The following CHM variants were observed in gnomAD, a reference collection of about 807,000 sequenced individuals.
CHM encodes the protein CHM Rab escort protein.
Under a neutral mutation model 49.0 loss-of-function variants are expected in CHM, and 10 were observed. The observed-to-expected ratio is 0.20, with a 90% CI of 0.13 to 0.35. The LOEUF is 0.35. Ranked by LOEUF, CHM falls within the 10% of genes least tolerant of loss-of-function variation. The pLI is 1.00. For missense variants in CHM, 455 were observed against 478.4 expected (o/e 0.95, Z 0.46); for synonymous variants, 184 against 167.5 (o/e 1.10, Z -0.76).
intron 2 of CHM, among the ~76,000 whole-genome samples, chrX:86,018,492 A>G (rs1347043952): frequency 1.8e-5 from 2 of 112,254 alleles, no homozygotes; most frequent in Non-Finnish European, 3.8e-5. Context: ...AGCTAAATAT[A>G]TATAATTACC....
chrX:85,906,845 C>A (rs558712344), intron 9 of CHM, among the ~76,000 whole-genome samples: 2 of 112,265 alleles, frequency 1.8e-5, no homozygotes, highest in South Asian at 7.4e-4. Context: ...CTAGAAAAGG[C>A]ATAGACAGCC....
chrX:85,886,926 A>G (rs1925122455), intron 12 of CHM, among the ~76,000 whole-genome samples: 1 of 106,802 alleles, frequency 9.4e-6, no homozygotes, highest in African/African-American at 3.4e-5. Context: ...CATTAACTCT[A>G]TTATAGCACT....
intron 8 of CHM, among the ~76,000 whole-genome samples, chrX:85,914,801 C>T (rs1927350882): frequency 9.0e-6 from 1 of 111,094 alleles, no homozygotes; most frequent in Non-Finnish European, 1.9e-5. Context: ...CTGGCAGCCC[C>T]TGTTGAAGAA....
At chrX:85,971,896 G>A (rs1328017986) in intron 4 of CHM, among the ~76,000 whole-genome samples, 2 of 110,959 alleles carry the variant, frequency 1.8e-5, no homozygotes, top group East Asian at 2.9e-4. Flanking sequence ...ACAGAGTGTC[G>A]ATTGGTGCAT....
At chrX:85,986,954 C>T (rs907274631) in intron 2 of CHM, among the ~76,000 whole-genome samples, 1 of 106,091 alleles carries the variant, frequency 9.4e-6, no homozygotes, top group African/African-American at 3.6e-5. Context: ...AAGGATGAAA[C>T]AGCTGGAAAA....
chrX:85,926,791 A>G (rs1928108938), intron 8 of CHM, among the ~76,000 whole-genome samples: 1 of 111,552 alleles, frequency 9.0e-6, no homozygotes, highest in Admixed American at 9.5e-5. Flanking sequence ...TCCATTTTTA[A>G]TAGAGATTTT....
chrX:85,966,288 G>A (rs966942613), intron 4 of CHM, among the ~76,000 whole-genome samples: 1 of 105,710 alleles, frequency 9.5e-6, no homozygotes, highest in African/African-American at 3.5e-5. Context: ...GGCGGAGGTA[G>A]CAGTGAGCCA....
chrX:85,890,373 C>G (rs1257693910), intron 12 of CHM, among the ~76,000 whole-genome samples: 1 of 111,751 alleles, frequency 8.9e-6, no homozygotes, highest in Non-Finnish European at 1.9e-5. Flanking sequence ...TCCTGTAGCA[C>G]AAATCACTAT....
intron 8 of CHM, among the ~76,000 whole-genome samples, chrX:85,923,966 G>T (rs765518910): frequency 2.3e-3 from 252 of 111,444 alleles, no homozygotes; most frequent in African/African-American, 8.0e-3. Context: ...AGATGGCTAA[G>T]GGAGATGGAT....
intron 4 of CHM, among the ~76,000 whole-genome samples, chrX:85,972,451 G>A (rs1432212834): frequency 2.7e-5 from 3 of 112,974 alleles, no homozygotes; most frequent in East Asian, 5.6e-4. Context: ...AGGAACCCAC[G>A]GTGGCGGGGG....
chrX:86,027,617 T>G, intron 1 of CHM, 60 bp from the exon 2 acceptor site: 1 of 972,870 alleles, frequency 1.0e-6, no homozygotes, highest in Non-Finnish European at 1.5e-6. Context: ...TTACATAAAA[T>G]GTTCAATACA....
intron 8 of CHM, among the ~76,000 whole-genome samples, chrX:85,921,668 G>T (rs1376683389): frequency 1.8e-5 from 2 of 112,349 alleles, no homozygotes; most frequent in Non-Finnish European, 3.8e-5. Context: ...CTGAAAAGCA[G>T]AAGTTCCATT....
chrX:86,014,423 G>C (rs952228252), intron 2 of CHM, among the ~76,000 whole-genome samples: 1 of 112,552 alleles, frequency 8.9e-6, no homozygotes, highest in African/African-American at 3.2e-5. Flanking sequence ...AGAAGGAAAA[G>C]AGAATTCATC....
At chrX:85,922,195 T>C (rs1350309410) in intron 8 of CHM, among the ~76,000 whole-genome samples, 1 of 112,402 alleles carries the variant, frequency 8.9e-6, no homozygotes, top group Non-Finnish European at 1.9e-5. Flanking sequence ...TACTAAATCA[T>C]GTAGTAGTAA....
At chrX:86,004,342 A>C in intron 2 of CHM, among the ~76,000 whole-genome samples, 1 of 112,117 alleles carries the variant, frequency 8.9e-6, no homozygotes, top group East Asian at 2.8e-4. Context: ...TACTATAAAG[A>C]AACTGCAACA....
intron 2 of CHM, among the ~76,000 whole-genome samples, chrX:86,010,770 A>G (rs5922207): frequency 0.28 from 30,803 of 110,715 alleles, 3,557 homozygotes; most frequent in Admixed American, 0.39. Context: ...TCTATAAATT[A>G]TAATTAGAGT....
intron 1 of CHM, among the ~76,000 whole-genome samples, chrX:86,041,562 C>T (rs1934457657): frequency 9.3e-6 from 1 of 108,093 alleles, no homozygotes; most frequent in Non-Finnish European, 1.9e-5. Context: ...GAGAAGACAA[C>T]AAAGAAAGGA....
At chrX:85,901,445 A>G (rs1237894090) in intron 9 of CHM, among the ~76,000 whole-genome samples, 2 of 111,368 alleles carry the variant, frequency 1.8e-5, no homozygotes, top group Admixed American at 9.6e-5. Flanking sequence ...AATGCCATTA[A>G]TAAGAATAAA....
intron 8 of CHM, among the ~76,000 whole-genome samples, chrX:85,948,846 C>G (rs1433660005): frequency 9.0e-6 from 1 of 111,320 alleles, no homozygotes; most frequent in Non-Finnish European, 1.9e-5. Context: ...AAAAATAAAA[C>G]AATATTTATA....
Sources: gnomAD v4.1 joint callset for allele counts (sites outside exome capture counted in the v4.1 genomes callset) on GRCh38, gnomAD v4.1.1 for gene constraint, MANE v1.5 for transcripts, NCBI Gene and HGNC (gene_info 2026-07-23, HGNC 2026-07-21) for gene names.